The following WWOX variants were observed in gnomAD, a reference collection of about 807,000 sequenced individuals.
The protein encoded by WWOX is WW domain containing oxidoreductase.
In WWOX, 69 loss-of-function variants were observed where a neutral mutation model predicts 46.2. The ratio of observed to expected loss-of-function variants is 1.49; its 90% CI spans 1.23 to 1.82. The LOEUF is 1.82. Among genes scored for constraint, WWOX ranks in the 40% most tolerant of loss-of-function variants. The probability of loss-of-function intolerance (pLI) is 0.00; values close to 1 mark genes in which losing one functional copy is unlikely to be tolerated. For missense variants in WWOX, 919 were observed against 542.6 expected (o/e 1.69, Z -6.89); for synonymous variants, 359 against 202.6 (o/e 1.77, Z -6.56).
intron 8 of WWOX, among the ~76,000 whole-genome samples, chr16:78,867,565 G>A (rs911245977): frequency 1.3e-5 from 2 of 151,480 alleles, no homozygotes; most frequent in African/African-American, 2.4e-5. Flanking sequence ...TTTTAAGACG[G>A]AGCTTTGCTC....
At chr16:78,647,641 A>G (rs1250468348) in intron 8 of WWOX, among the ~76,000 whole-genome samples, 1 of 152,206 alleles carries the variant, frequency 6.6e-6, no homozygotes, top group Admixed American at 6.5e-5. Flanking sequence ...GGGCATACTG[A>G]GTGCTGACAG....
At chr16:78,393,654 G>A (rs1006019794) in intron 6 of WWOX, among the ~76,000 whole-genome samples, 2 of 152,020 alleles carry the variant, frequency 1.3e-5, no homozygotes, top group African/African-American at 2.4e-5. Flanking sequence ...ACTGACCAAG[G>A]GTTTTGATTC....
Position 78,518,743 on chromosome 16 carries a change from C to T in WWOX, c.1056+85991C>T, listed in dbSNP as rs1319766920. Among the ~76,000 whole-genome samples the T allele has an allele frequency of 3.3e-5, 5 of 152,326 alleles. No individual in the cohort carries two copies. In the East Asian group the frequency reaches 9.6e-4, roughly 29 times the overall value. On this transcript the variant is annotated intron_variant, in intron 8 of 8. Transcript: ENST00000566780. ...AGCCACACAGAGAAGGTCCCAATGG[C>T]ACCAGAACAAGGCCAGCTTCCTAGG... is the stretch of plus-strand genomic sequence containing the variant.
At chr16:78,286,622 G>C (rs1023346315) in intron 5 of WWOX, among the ~76,000 whole-genome samples, 1 of 151,754 alleles carries the variant, frequency 6.6e-6, no homozygotes, top group Non-Finnish European at 1.5e-5. Context: ...TGGAACTGTG[G>C]TTTTCACTGA....
At chr16:78,654,279 T>C (rs1340579856) in intron 8 of WWOX, among the ~76,000 whole-genome samples, 1 of 152,232 alleles carries the variant, frequency 6.6e-6, no homozygotes, top group Non-Finnish European at 1.5e-5. Flanking sequence ...AGCTTAGTGA[T>C]ATGAGAATTA....
chr16:78,954,094 C>G (rs758733645), intron 8 of WWOX, among the ~76,000 whole-genome samples: 1 of 152,146 alleles, frequency 6.6e-6, no homozygotes, highest in Non-Finnish European at 1.5e-5. Context: ...GTCATCTTTT[C>G]TTTCTTTTGC....
At chr16:78,578,240 G>C (rs1319905674) in intron 8 of WWOX, among the ~76,000 whole-genome samples, 1 of 94,636 alleles carries the variant, frequency 1.1e-5, no homozygotes. Flanking sequence ...ACAAATATAT[G>C]TGCATACCAA....
At chr16:78,442,088 G>C (rs28386852) in intron 8 of WWOX, among the ~76,000 whole-genome samples, 1 of 151,586 alleles carries the variant, frequency 6.6e-6, no homozygotes, top group Non-Finnish European at 1.5e-5. Flanking sequence ...AGTGAGCTAT[G>C]ATGGTGCCCC....
chr16:79,039,056 A>G (rs1428115188), intron 8 of WWOX, among the ~76,000 whole-genome samples: 2 of 152,046 alleles, frequency 1.3e-5, no homozygotes, highest in African/African-American at 4.8e-5. Flanking sequence ...CTACGTTGGG[A>G]TTCTTAAATT....
intron 5 of WWOX, among the ~76,000 whole-genome samples, chr16:78,194,895 C>T (rs1289823698): frequency 2.0e-5 from 3 of 152,186 alleles, no homozygotes; most frequent in African/African-American, 7.2e-5. Context: ...TTTCTTGTTT[C>T]TAGACTGTCT....
In WWOX at chr16:78,852,922, C is replaced by G. The variant is rs576504930; in HGVS notation, c.1057-358686C>G. Reference sequence around the variant, plus strand: ...AAGTAGTTTGGTGACAGGCTTCTTTCTTCTCATCATTAAATGACATACTGG... The same window carrying G: ...AAGTAGTTTGGTGACAGGCTTCTTTGTTCTCATCATTAAATGACATACTGG... On this transcript the variant is annotated intron_variant, in intron 8 of 8. Transcript: ENST00000566780. Among the ~76,000 whole-genome samples the G allele has an allele frequency of 5.9e-5, 9 of 152,304 alleles. No individual in the cohort carries two copies. The South Asian group carries it at 1.9e-3, about 32-fold the overall frequency.
intron 8 of WWOX, among the ~76,000 whole-genome samples, chr16:78,499,731 T>C (rs918431722): frequency 2.6e-5 from 4 of 152,186 alleles, no homozygotes; most frequent in Non-Finnish European, 5.9e-5. Context: ...AGCTCCAGTA[T>C]CCAGCCCAGG....
At chr16:78,335,471 G>T (rs925312594) in intron 5 of WWOX, among the ~76,000 whole-genome samples, 4 of 152,014 alleles carry the variant, frequency 2.6e-5, no homozygotes, top group South Asian at 2.1e-4. Flanking sequence ...TCCTTTTTAT[G>T]ATTATATAAT....
At chr16:78,833,946 G>T (rs1255574156) in intron 8 of WWOX, among the ~76,000 whole-genome samples, 1 of 152,230 alleles carries the variant, frequency 6.6e-6, no homozygotes, top group Non-Finnish European at 1.5e-5. Flanking sequence ...GTCTTATTCT[G>T]TGTTGCATCC....
At chr16:78,148,413 T>C (rs1413238618) in intron 4 of WWOX, among the ~76,000 whole-genome samples, 1 of 152,086 alleles carries the variant, frequency 6.6e-6, no homozygotes, top group African/African-American at 2.4e-5. Flanking sequence ...ATGGAGCAAT[T>C]GTTACTTTCT....
chr16:79,204,104 G>T (rs1327534070), intron 8 of WWOX: 4 of 151,924 alleles, frequency 2.6e-5, no homozygotes, highest in Admixed American at 2.6e-4. Flanking sequence ...TGGCACTTCT[G>T]CTTGGCTATT....
At chr16:78,894,689 G>C (rs898776918) in intron 8 of WWOX, among the ~76,000 whole-genome samples, 2 of 152,124 alleles carry the variant, frequency 1.3e-5, no homozygotes, top group Non-Finnish European at 2.9e-5. Flanking sequence ...AGAGGCTGTG[G>C]AAACAATAGA....
At chr16:78,321,387 T>C (rs2080476683) in intron 5 of WWOX, among the ~76,000 whole-genome samples, 1 of 102,102 alleles carries the variant, frequency 9.8e-6, no homozygotes, top group Admixed American at 1.1e-4. Context: ...TATGCGTATA[T>C]ATATACGTAT....
intron 6 of WWOX, among the ~76,000 whole-genome samples, chr16:78,402,090 T>TA (rs2082425933): frequency 2.0e-5 from 3 of 152,206 alleles, no homozygotes; most frequent in Non-Finnish European, 4.4e-5. Context: ...GCAGAACAAT[T>TA]TCATCACTCC....
Sources: allele counts gnomAD v4.1 joint callset (sites outside exome capture counted in the v4.1 genomes callset), GRCh38; gene constraint gnomAD v4.1.1; transcripts MANE v1.5; gene names NCBI Gene and HGNC (gene_info 2026-07-23, HGNC 2026-07-21).